ODAD1: variants seen among roughly 807,000 people sequenced by gnomAD.
ODAD1 encodes outer dynein arm docking complex subunit 1.
A neutral mutation model predicts 67.2 loss-of-function variants in ODAD1; 49 were observed. The observed-to-expected ratio is 0.73, with a 90% CI of 0.58 to 0.92. ODAD1 has a LOEUF of 0.92. Ranked by LOEUF, ODAD1 falls within the 40% of genes least tolerant of loss-of-function variation. The pLI, the probability that ODAD1 is intolerant of heterozygous loss-of-function variation, is 0.00. For synonymous variants in ODAD1, 345 were observed against 393.7 expected, an observed-to-expected ratio of 0.88 and a Z score of 1.46; for missense variants, 897 against 953.7, an observed-to-expected ratio of 0.94 and a Z score of 0.78.
chr19:48,303,779 C>T lies in ODAD1; in HGVS notation c.859G>A (p.Glu287Lys), dbSNP rs982896880. 6.2e-7 allele frequency: 1 copy of T among 1,608,032 alleles called. No individual in the cohort carries two copies. The highest frequency in any genetic ancestry group is 1.7e-4 in the Middle Eastern group (1 of 6,020). Residue 287 changes from glutamate (E) to lysine (K), a missense_variant, in exon 10 of 16, where the codon GAG (glutamate) becomes AAG (lysine). Coordinates refer to ENST00000674294, the MANE Select transcript of ODAD1 (RefSeq NM_001364171.2). ...VLEKREKQAGEVAEGVWKTSQ... is the reference protein window; with the variant it reads ...VLEKREKQAGKVAEGVWKTSQ... The stretch of plus-strand genomic sequence containing the variant: ...GTCTTCCAGACGCCCTCGGCCACCT[C>T]CCCGGCTAGGGGAAGAGAGAACAGC...
In ODAD1 at chr19:48,298,303, G is replaced by A; in HGVS notation, c.1278C>T (p.Ser426=). The A allele has an allele frequency of 6.2e-7, 1 of 1,614,206 alleles. No homozygotes were observed. The highest frequency in any genetic ancestry group is 1.1e-5 in the South Asian group (1 of 91,090). The change falls in exon 13 of 16, where the codon AGC becomes AGT. Residue 426 remains serine (S), a synonymous_variant. Coordinates refer to ENST00000674294, the MANE Select transcript of ODAD1 (RefSeq NM_001364171.2). ...CCCCAAGGAGGTCATCGATCATGCT[G>A]CTGTCGCAATGGGCCTTGGTGAAGA... The part of the protein sequence containing the change: ...QLLFTKAHCD[S]SMIDDLLGVK...
At chr19:48,315,228 T>C (rs1216202127) in intron 5 of ODAD1, among the ~76,000 whole-genome samples, 2 of 151,960 alleles carry the variant, frequency 1.3e-5, no homozygotes, top group African/African-American at 2.4e-5. Context: ...AGAGATGACA[T>C]ACGGTAAAAC....
intron 7 of ODAD1, among the ~76,000 whole-genome samples, chr19:48,310,060 C>T (rs970815631): frequency 6.6e-6 from 1 of 151,914 alleles, no homozygotes; most frequent in Non-Finnish European, 1.5e-5. Context: ...CATGGAGAAA[C>T]CCTGTCTCTA....
chr19:48,297,165 G>C lies in ODAD1; in HGVS notation c.1935C>G (p.Ser645Arg). The change falls in exon 16 of 16, where the codon AGC becomes AGG. Residue 645 changes from serine (S) to arginine (R), a missense_variant. Ser to Arg is a moderately radical substitution (Grantham distance 110, BLOSUM62 -1). Coordinates refer to ENST00000674294, the MANE Select transcript of ODAD1 (RefSeq NM_001364171.2). ...HVTFRPVSAS[S>R]YLGSTGYVGS... ...CCACGTATCCAGTGGAGCCCAGGTA[G>C]CTGCTGGCGCTGACGGGTCTGAAGG... is the stretch of plus-strand genomic sequence containing the variant. 3 of 1,614,152 alleles carry C rather than the reference G, an allele frequency of 1.9e-6. No homozygotes were observed. Among genetic ancestry groups the C allele is most frequent in the Non-Finnish European group, 2.5e-6 (3 of 1,180,022 alleles).
chr19:48,298,037 G>C lies in ODAD1; in HGVS notation c.1465C>G (p.Pro489Ala), dbSNP rs776467434. ...GGCTGAAGTGGGGCCATCTTCTTCG[G>C]AAGGTCCTCCAGGCTCTGGCCCAGC... ...LVLGQSLEDL[P>A]KKMAPLQPPD... Residue 489 changes from proline (P) to alanine (A), a missense_variant, in exon 14 of 16, where the codon CCG becomes GCG. By Grantham distance (27) the Pro-to-Ala change is conservative (BLOSUM62 -1). Transcript: ENST00000674294. The C allele has an allele frequency of 4.3e-6, 7 of 1,613,206 alleles. No homozygotes were observed. The Admixed American group carries it at 1.0e-4, about 23-fold the overall frequency.
Position 48,321,935 on chromosome 19 carries a change from G to C in ODAD1, c.-321C>G. ...GGCTTCCCGGGAAGCAGCCAAAAACGCTTGGCCGCCTACCACGTCCGCGCG... is the reference window on the plus strand; with the variant it reads ...GGCTTCCCGGGAAGCAGCCAAAAACCCTTGGCCGCCTACCACGTCCGCGCG... On this transcript the variant is annotated 5_prime_UTR_variant, in exon 1 of 16. Coordinates refer to ENST00000674294, the MANE Select transcript of ODAD1 (RefSeq NM_001364171.2). 1 of 396,156 alleles carries C rather than the reference G, an allele frequency of 2.5e-6. No homozygotes were observed. The highest frequency in any genetic ancestry group is 4.5e-6 in the Non-Finnish European group (1 of 224,448). 24.5% of individuals were successfully genotyped at this position (396,156 alleles called of 1,614,324 possible).
intron 5 of ODAD1, among the ~76,000 whole-genome samples, chr19:48,316,316 G>T (rs1255934721): frequency 1.3e-5 from 2 of 151,726 alleles, no homozygotes; most frequent in African/African-American, 4.9e-5. Flanking sequence ...GGAGACAGAG[G>T]TTGCAGTGAG....
chr19:48,318,340 A>C, intron 5 of ODAD1, 47 bp downstream of exon 5: 1 of 1,505,342 alleles, frequency 6.6e-7, no homozygotes, highest in Non-Finnish European at 9.0e-7. Flanking sequence ...GGAGGTTACA[A>C]CACTTGCCCG....
At chr19:48,306,072 G>C (rs1249951403) in intron 8 of ODAD1, 184 bp downstream of exon 8, 3 of 454,694 alleles carry the variant, frequency 6.6e-6, no homozygotes, top group African/African-American at 6.4e-5. Context: ...AAAAAAGACA[G>C]AACAGGACCT....
At chr19:48,304,241 G>T in intron 8 of ODAD1, 101 bp from the exon 9 acceptor site, 1 of 1,240,082 alleles carries the variant, frequency 8.1e-7, no homozygotes, top group Non-Finnish European at 1.1e-6. Context: ...GGGGGGTGAG[G>T]TGGAGTCAGC....
intron 14 of ODAD1, 68 bp from the exon 15 acceptor site, chr19:48,297,736 G>A: frequency 1.6e-6 from 2 of 1,277,648 alleles, no homozygotes; most frequent in Non-Finnish European, 2.1e-6. Context: ...GGCCCTTCCT[G>A]CTAAACCCCG....
chr19:48,314,254 C>CAG (rs1238412681), intron 5 of ODAD1, among the ~76,000 whole-genome samples: 6 of 151,860 alleles, frequency 4.0e-5, no homozygotes, highest in Non-Finnish European at 8.8e-5. Flanking sequence ...CCGGCAGAAG[C>CAG]AGAGAGAGAG....
chr19:48,296,958 G>C lies in ODAD1; in HGVS notation c.*18C>G, dbSNP rs753853409. ...CCACAGAGAGCCAGGGCAGGGTGGGGGCTGCGTGCCCCTCGTGTTAGCCCC... is the reference window on the plus strand; with the variant it reads ...CCACAGAGAGCCAGGGCAGGGTGGGCGCTGCGTGCCCCTCGTGTTAGCCCC... On this transcript the variant is annotated 3_prime_UTR_variant, in exon 16 of 16. Transcript: ENST00000674294. 7.0e-6 allele frequency: 11 copies of C among 1,568,870 alleles called. No individual in the cohort carries two copies. Among genetic ancestry groups the C allele is most frequent in the Non-Finnish European group, 9.5e-6 (11 of 1,160,238 alleles).
At chr19:48,303,841 T>C in intron 9 of ODAD1, 57 bp from the exon 10 acceptor site, 1 of 1,578,062 alleles carries the variant, frequency 6.3e-7, no homozygotes, top group Non-Finnish European at 8.6e-7. Context: ...CACAGAGACC[T>C]CCTGGGTGAG....
chr19:48,304,556 T>A (rs141674509), intron 8 of ODAD1, among the ~76,000 whole-genome samples: 1,699 of 151,738 alleles, frequency 0.011, 26 homozygotes, highest in African/African-American at 0.032. Flanking sequence ...GAGGTGAAGA[T>A]TGCAGTGAGC....
chr19:48,301,817 G>A, intron 12 of ODAD1, among the ~76,000 whole-genome samples: 1 of 113,660 alleles, frequency 8.8e-6, no homozygotes, highest in East Asian at 2.2e-4. Context: ...AATAGATCCT[G>A]GATGGATGGA....
Position 48,312,042 on chromosome 19 carries a change from C to A in ODAD1, c.435G>T (p.Lys145Asn). Residue 145 changes from lysine (K) to asparagine (N), a missense_variant, in exon 6 of 16, where the codon AAG becomes AAT. Physicochemically the swap from Lys to Asn is moderately conservative, Grantham distance 94. Transcript: ENST00000674294. Reference protein sequence around the residue: ...VRSPGFILDQKVKIRRRIRIL... With the variant: ...VRSPGFILDQNVKIRRRIRIL... ...TCCTGATCCTTCGCCTGATCTTGAC[C>A]TTCTGATCCAGGATGAATCCCGGGG... 2 of 1,551,196 alleles carry A rather than the reference C, an allele frequency of 1.3e-6. No homozygotes were observed. The highest frequency in any genetic ancestry group is 2.4e-5 in the South Asian group (2 of 84,036).
At chr19:48,305,967 G>A (rs1968596401) in intron 8 of ODAD1, among the ~76,000 whole-genome samples, 1 of 152,004 alleles carries the variant, frequency 6.6e-6, no homozygotes, top group Non-Finnish European at 1.5e-5. Context: ...GCTGAGGCAG[G>A]AGAATTGTTT....
At chr19:48,304,813 T>C (rs571409721) in intron 8 of ODAD1, among the ~76,000 whole-genome samples, 1 of 152,294 alleles carries the variant, frequency 6.6e-6, no homozygotes, top group Non-Finnish European at 1.5e-5. Flanking sequence ...CTTTGTTGGC[T>C]AAATCAGTCT....
Sources: gnomAD v4.1 joint callset for allele counts (sites outside exome capture counted in the v4.1 genomes callset) on GRCh38, gnomAD v4.1.1 for gene constraint, MANE v1.5 for transcripts, NCBI Gene and HGNC (gene_info 2026-07-23, HGNC 2026-07-21) for gene names.